The following TSHZ2 variants were observed in gnomAD, a reference collection of about 807,000 sequenced individuals.
TSHZ2 encodes the protein teashirt homolog 2.
TSHZ2 carries 21 observed loss-of-function variants against 74.4 expected under a neutral mutation model. The ratio of observed to expected loss-of-function variants is 0.28; its 90% confidence interval spans 0.20 to 0.41. The LOEUF (loss-of-function observed/expected upper bound fraction) is 0.41. Ranked by LOEUF, TSHZ2 falls within the 10% of genes least tolerant of loss-of-function variation. The pLI, the probability that TSHZ2 is intolerant of heterozygous loss-of-function variation, is 1.00. For synonymous variants in TSHZ2, 540 were observed against 515.3 expected (o/e 1.05, Z -0.65); for missense variants, 1,244 against 1,293.5 (o/e 0.96, Z 0.59).
intron 1 of TSHZ2, among the ~76,000 whole-genome samples, chr20:53,030,399 TCA>T (rs960685592): frequency 1.3e-5 from 2 of 150,366 alleles, no homozygotes; most frequent in Non-Finnish European, 2.9e-5. Context: ...AACAGGAAAT[TCA>T]CAGTTTCATC....
Position 53,255,659 on chromosome 20 carries a change from T to C in TSHZ2, c.2201T>C (p.Leu734Pro). The part of the protein sequence containing the change: ...STISMFHKSN[L>P]NVMDKPVLSP... ...ATTTCCATGTTCCACAAGTCGAATC[T>C]CAATGTCATGGACAAGCCGGTCTTG... Residue 734 changes from leucine to proline, a missense_variant, in exon 2 of 3, where the codon CTC becomes CCC. Physicochemically the swap from Leu to Pro is moderately conservative, Grantham distance 98 (BLOSUM62 -3). This residue lies in a region of TSHZ2 where 562 missense variants were observed against 544.0 expected (regional missense o/e 1.03). Transcript: ENST00000371497. This position sits in a 1 kb window ranked among gnomAD's most constrained non-coding sequence, Gnocchi z 4.1. 6.3e-7 allele frequency: 1 copy of C among 1,575,268 alleles called. No homozygotes were observed. The highest frequency in any genetic ancestry group is 8.6e-7 in the Non-Finnish European group (1 of 1,161,326).
intron 1 of TSHZ2, among the ~76,000 whole-genome samples, chr20:53,088,457 C>T (rs957743405): frequency 7.2e-5 from 11 of 152,292 alleles, no homozygotes; most frequent in African/African-American, 2.6e-4. Flanking sequence ...TTGGCATTAA[C>T]TGATTATGTG....
intron 2 of TSHZ2, among the ~76,000 whole-genome samples, chr20:53,449,181 GT>G (rs1462464002): frequency 6.6e-6 from 1 of 152,072 alleles, no homozygotes; most frequent in East Asian, 1.9e-4. Flanking sequence ...CCCCTGGAAG[GT>G]ATGATTAACA....
At chr20:53,077,210 C>T (rs1037652613) in intron 1 of TSHZ2, among the ~76,000 whole-genome samples, 7 of 151,632 alleles carry the variant, frequency 4.6e-5, no homozygotes, top group East Asian at 1.9e-4. Flanking sequence ...GTCAGGAGTT[C>T]GATACCAGCC....
intron 2 of TSHZ2, among the ~76,000 whole-genome samples, chr20:53,307,894 C>T (rs114719906): frequency 0.012 from 1,798 of 152,222 alleles, 29 homozygotes; most frequent in African/African-American, 0.04. Flanking sequence ...CAGATTGGAA[C>T]GCTACTGGTT....
In TSHZ2 at chr20:53,304,138, A is replaced by C. The variant is rs139233495; in HGVS notation, c.*8+47567A>C. 1.5e-3 allele frequency among the ~76,000 whole-genome samples: 220 copies of C among 150,808 alleles called. 2 individuals carry two copies. The highest frequency in any genetic ancestry group is 4.9e-3 in the African/African-American group (203 of 41,234). Reference sequence around the variant, plus strand: ...TGTGCCATGCTGGTGTGCTGCACCCATTAACTCGTCACTTAGCATTAGGTA... The same window carrying C: ...TGTGCCATGCTGGTGTGCTGCACCCCTTAACTCGTCACTTAGCATTAGGTA... On this transcript the variant is annotated intron_variant, in intron 2 of 2. Transcript: ENST00000371497.
rs911877812 is a variant in TSHZ2, at chr20:53,383,567, C to T, written c.*9-103577C>T. ...TTGAGGCCATGAAATCAAGACCAGC[C>T]TGGCCAATATGGTGAAACCCCATCT... is the stretch of plus-strand genomic sequence containing the variant. On this transcript the variant is annotated intron_variant, in intron 2 of 2. Transcript: ENST00000371497. 6.6e-5 allele frequency among the ~76,000 whole-genome samples: 10 copies of T among 152,162 alleles called. No homozygotes were observed. The South Asian group carries it at 8.3e-4, about 13-fold the overall frequency.
chr20:53,014,410 T>C (rs759132735), intron 1 of TSHZ2, among the ~76,000 whole-genome samples: 1 of 152,122 alleles, frequency 6.6e-6, no homozygotes, highest in Non-Finnish European at 1.5e-5. Context: ...GTTGAAGTGA[T>C]TAGAAAAATT....
chr20:53,279,817 T>C (rs1219923835), intron 2 of TSHZ2, among the ~76,000 whole-genome samples: 1 of 152,136 alleles, frequency 6.6e-6, no homozygotes, highest in Non-Finnish European at 1.5e-5. Flanking sequence ...TTACTTTGGG[T>C]GCTCCAGGAA....
At chr20:53,171,805 CATT>C (rs1463590206) in intron 1 of TSHZ2, among the ~76,000 whole-genome samples, 1 of 152,024 alleles carries the variant, frequency 6.6e-6, no homozygotes, top group African/African-American at 2.4e-5. Flanking sequence ...TTATGACTAT[CATT>C]ATTATTGTTT....
chr20:53,406,780 T>G (rs1002044492), intron 2 of TSHZ2, among the ~76,000 whole-genome samples: 3 of 151,988 alleles, frequency 2.0e-5, no homozygotes, highest in Non-Finnish European at 2.9e-5. Flanking sequence ...AAACATGGCG[T>G]GGGGATTGGG....
chr20:53,071,412 T>G (rs2123197748), intron 1 of TSHZ2, among the ~76,000 whole-genome samples: 1 of 152,368 alleles, frequency 6.6e-6, no homozygotes, highest in South Asian at 2.1e-4. Context: ...TTTCATGAGC[T>G]GCTAGTGTCC....
chr20:53,111,131 T>C (rs1023761115), intron 1 of TSHZ2, among the ~76,000 whole-genome samples: 1 of 152,134 alleles, frequency 6.6e-6, no homozygotes, highest in Admixed American at 6.5e-5. Context: ...AGTTCAGAAA[T>C]CAAAATGATA....
intron 1 of TSHZ2, among the ~76,000 whole-genome samples, chr20:52,997,261 G>GGA (rs1555813130): frequency 7.4e-6 from 1 of 135,008 alleles, no homozygotes; most frequent in African/African-American, 3.4e-5. Flanking sequence ...TCTTGCCCCG[G>GGA]GGGGGGGTTC....
intron 1 of TSHZ2, among the ~76,000 whole-genome samples, chr20:53,162,433 C>A (rs1411573246): frequency 3.3e-5 from 5 of 152,204 alleles, no homozygotes; most frequent in Non-Finnish European, 7.3e-5. Context: ...TGCCCACTCG[C>A]TTCCTCTTTT....
intron 1 of TSHZ2, among the ~76,000 whole-genome samples, chr20:53,164,883 C>A (rs1227287644): frequency 1.3e-5 from 2 of 152,136 alleles, no homozygotes; most frequent in East Asian, 3.8e-4. Context: ...ACATATGTTG[C>A]CTACCATAAA....
chr20:53,369,266 A>C (rs1049145132), intron 2 of TSHZ2, among the ~76,000 whole-genome samples: 1 of 152,176 alleles, frequency 6.6e-6, no homozygotes, highest in African/African-American at 2.4e-5. Flanking sequence ...CCTTGTCTCA[A>C]AGAAAAAGAA....
intron 1 of TSHZ2, among the ~76,000 whole-genome samples, chr20:53,005,244 C>A (rs1982598070): frequency 6.6e-6 from 1 of 152,094 alleles, no homozygotes. Flanking sequence ...ACCTGGGAGG[C>A]AGAGATTGCC....
At chr20:53,096,269 A>G (rs1414615417) in intron 1 of TSHZ2, among the ~76,000 whole-genome samples, 1 of 152,030 alleles carries the variant, frequency 6.6e-6, no homozygotes, top group Non-Finnish European at 1.5e-5. Flanking sequence ...AGCCTCCCAA[A>G]TAGCTGAGAC....
Sources: allele counts gnomAD v4.1 joint callset (sites outside exome capture counted in the v4.1 genomes callset), GRCh38; gene constraint gnomAD v4.1.1; regional missense constraint gnomAD v4.1.1; non-coding constraint Gnocchi (gnomAD v3.1); transcripts MANE v1.5; gene names NCBI Gene and HGNC (gene_info 2026-07-23, HGNC 2026-07-21).